Variants in CDC42BPA observed in about 807,000 individuals in gnomAD.
The protein encoded by CDC42BPA is CDC42 binding protein kinase alpha.
A neutral mutation model predicts 223.5 loss-of-function variants in CDC42BPA; 80 were observed. That is an observed-to-expected ratio of 0.36 (90% CI 0.30 to 0.43). The LOEUF is 0.43. Among genes scored for constraint, CDC42BPA ranks in the 20% least tolerant of loss-of-function variants. CDC42BPA has a pLI of 1.00. For synonymous variants in CDC42BPA, 694 were observed against 718.6 expected (o/e 0.97, Z 0.55); for missense variants, 1,743 against 2,099.9 (o/e 0.83, Z 3.32).
chr1:227,274,462 CA>C, intron 1 of CDC42BPA, among the ~76,000 whole-genome samples: 1 of 152,246 alleles, frequency 6.6e-6, no homozygotes, highest in South Asian at 2.1e-4. Context: ...GTCTTCCAAA[CA>C]ACTAGAGGGG....
At chr1:227,241,503 TA>T (rs988723471) in intron 2 of CDC42BPA, among the ~76,000 whole-genome samples, 1 of 152,100 alleles carries the variant, frequency 6.6e-6, no homozygotes, top group African/African-American at 2.4e-5. Flanking sequence ...TGCTCAGTAA[TA>T]AAAACGATTA....
At chr1:227,136,366 G>A (rs1408886432) in intron 10 of CDC42BPA, among the ~76,000 whole-genome samples, 10 of 152,168 alleles carry the variant, frequency 6.6e-5, no homozygotes, top group Admixed American at 2.6e-4. Context: ...CAGAAAGAAC[G>A]GAAGGAACAG....
chr1:227,120,974 AGTTCACAATAGG>A (rs1688567154), intron 11 of CDC42BPA, among the ~76,000 whole-genome samples: 1 of 152,178 alleles, frequency 6.6e-6, no homozygotes, highest in Non-Finnish European at 1.5e-5. Context: ...TCGCATGAGC[AGTTCACAATAGG>A]GTTCACGGTC....
chr1:227,112,488 C>T (rs761373003), intron 13 of CDC42BPA, 66 bp from the exon 14 acceptor site: 74 of 1,231,230 alleles, frequency 6.0e-5, no homozygotes, highest in Non-Finnish European at 7.9e-5. Context: ...AACATTTATC[C>T]CAATGAGAAT....
At chr1:227,152,947 T>C (rs893327232) in intron 6 of CDC42BPA, among the ~76,000 whole-genome samples, 3 of 151,988 alleles carry the variant, frequency 2.0e-5, no homozygotes, top group African/African-American at 4.8e-5. Flanking sequence ...TATATCCTCA[T>C]GCCAAAATCA....
intron 16 of CDC42BPA, among the ~76,000 whole-genome samples, chr1:227,088,690 T>C (rs1293003869): frequency 6.6e-6 from 1 of 152,178 alleles, no homozygotes; most frequent in Non-Finnish European, 1.5e-5. Context: ...GTTATGAGAT[T>C]GAAGGAAACC....
chr1:226,992,888 C>G lies in CDC42BPA; in HGVS notation c.*1380G>C, dbSNP rs1282392791. On this transcript the variant is annotated 3_prime_UTR_variant, in exon 37 of 37. Transcript: ENST00000366766. Reference sequence around the variant, plus strand: ...TGCCACTAACCCCACAATCCAGCACCTGAGAGAGGAAGCCAGTCGGAGCGC... The same window carrying G: ...TGCCACTAACCCCACAATCCAGCACGTGAGAGAGGAAGCCAGTCGGAGCGC... 6.6e-6 allele frequency: 1 copy of G among 152,262 alleles called. No homozygotes were observed. The highest frequency in any genetic ancestry group is 1.5e-5 in the Non-Finnish European group (1 of 68,058). 9.4% of individuals were successfully genotyped at this position (152,262 alleles called of 1,614,324 possible).
At chr1:227,010,975 T>C in intron 34 of CDC42BPA, 2 of 1,363,490 alleles carry the variant, frequency 1.5e-6, no homozygotes, top group Non-Finnish European at 2.0e-6. Flanking sequence ...TTCAGCAGAA[T>C]TAACAGTCAT....
Position 227,250,312 on chromosome 1 carries a change from A to C in CDC42BPA, c.270+3752T>G, listed in dbSNP as rs183316022. Among the ~76,000 whole-genome samples the C allele has an allele frequency of 4.6e-3, 702 of 152,242 alleles. 4 individuals carry two copies. Among genetic ancestry groups the C allele is most frequent in the African/African-American group, 0.016 (673 of 41,526 alleles). ...AGACCAGCCTGACCAACATGGTGAA[A>C]CCACATGTCTACTAAAAATACAAAA... On this transcript the variant is annotated intron_variant, in intron 2 of 36. Transcript: ENST00000366766.
chr1:226,996,131 A>C (rs1212133470), intron 35 of CDC42BPA, among the ~76,000 whole-genome samples: 1 of 152,220 alleles, frequency 6.6e-6, no homozygotes, highest in Non-Finnish European at 1.5e-5. Flanking sequence ...CCTGGGCTGC[A>C]GTCACAGGCT....
intron 32 of CDC42BPA, among the ~76,000 whole-genome samples, chr1:227,019,900 T>TC (rs1039719539): frequency 6.6e-6 from 1 of 152,020 alleles, no homozygotes; most frequent in Non-Finnish European, 1.5e-5. Context: ...TTACCATAAT[T>TC]CTTTTTTTTT....
intron 17 of CDC42BPA, among the ~76,000 whole-genome samples, chr1:227,075,551 T>C (rs1194124910): frequency 1.3e-5 from 2 of 152,194 alleles, no homozygotes; most frequent in Non-Finnish European, 2.9e-5. Flanking sequence ...TATCTACATG[T>C]ACACATTTTT....
chr1:227,199,723 G>A, intron 3 of CDC42BPA, 71 bp from the exon 4 acceptor site: 1 of 746,154 alleles, frequency 1.3e-6, no homozygotes, highest in Admixed American at 2.2e-5. Context: ...GAATTACTAT[G>A]TTTATTATAT....
intron 10 of CDC42BPA, among the ~76,000 whole-genome samples, chr1:227,130,377 T>C (rs191903804): frequency 6.6e-6 from 1 of 152,342 alleles, no homozygotes; most frequent in East Asian, 1.9e-4. Flanking sequence ...TATACTAGAT[T>C]GTGCATCTGA....
At chr1:227,005,257 T>C (rs867640729) in intron 34 of CDC42BPA, 146 bp from the exon 35 acceptor site, 14 of 635,404 alleles carry the variant, frequency 2.2e-5, no homozygotes, top group Non-Finnish European at 3.6e-5. Context: ...TTATATAGTC[T>C]TTCCCACCCA....
At chr1:227,016,364 T>C (rs912062343) in intron 33 of CDC42BPA, among the ~76,000 whole-genome samples, 167 bp from the exon 34 acceptor site, 4 of 152,210 alleles carry the variant, frequency 2.6e-5, no homozygotes, top group African/African-American at 9.6e-5. Flanking sequence ...CCTTAGAATA[T>C]TTTGTTTTAA....
In CDC42BPA at chr1:227,040,173, A is replaced by C. The variant is rs774306418; in HGVS notation, c.3157T>G (p.Ser1053Ala). Reference protein sequence around the residue: ...TTPTKCHQCTSLMVGLIRQGC... With the variant: ...TTPTKCHQCTALMVGLIRQGC... ...TGTCTTATTAAACCCACCATCAAGG[A>C]GGTACACTGATGACACTTGGTAGGA... Residue 1053 changes from serine to alanine, a missense_variant, in exon 24 of 37, where the codon TCC (serine) becomes GCC (alanine). Physicochemically the swap from Ser to Ala is moderately conservative, Grantham distance 99. Around this residue, in one of 6 missense-constraint regions of CDC42BPA, gnomAD observed 678 missense variants for 777.5 expected, o/e 0.87. Transcript: ENST00000366766. 8.8e-5 allele frequency: 142 copies of C among 1,612,936 alleles called. No individual in the cohort carries two copies. The highest frequency in any genetic ancestry group is 1.1e-4 in the Non-Finnish European group (130 of 1,179,126).
At chr1:227,080,325 T>A (rs1680377501) in intron 17 of CDC42BPA, among the ~76,000 whole-genome samples, 1 of 152,164 alleles carries the variant, frequency 6.6e-6, no homozygotes, top group South Asian at 2.1e-4. Context: ...AGCACCAGAA[T>A]AATCGTTTAA....
chr1:227,243,385 A>G (rs145584589), intron 2 of CDC42BPA, among the ~76,000 whole-genome samples: 127 of 140,794 alleles, frequency 9.0e-4, no homozygotes, highest in Non-Finnish European at 1.1e-3. Flanking sequence ...AGTGGCACAC[A>G]TAGGGGCCCA....
Sources: gnomAD v4.1 joint callset for allele counts (sites outside exome capture counted in the v4.1 genomes callset) on GRCh38, gnomAD v4.1.1 for gene constraint, gnomAD v4.1.1 regional missense constraint, MANE v1.5 for transcripts, NCBI Gene and HGNC (gene_info 2026-07-23, HGNC 2026-07-21) for gene names.